The following PPARD variants were observed in gnomAD, a reference collection of about 807,000 sequenced individuals.
The protein encoded by PPARD is peroxisome proliferator-activated receptor delta.
In PPARD, 6 loss-of-function variants were observed where a neutral mutation model predicts 39.5. The observed-to-expected ratio is 0.15, with a 90% CI of 0.08 to 0.30. PPARD has a LOEUF of 0.30. PPARD is among the 10% of genes least tolerant of loss of function. The pLI is 1.00. For missense variants in PPARD, 397 were observed against 596.8 expected (o/e 0.67, Z 3.49); for synonymous variants, 210 against 231.3 (o/e 0.91, Z 0.83).
In PPARD at chr6:35,424,537, T is replaced by C. The variant is rs201897561; in HGVS notation, c.836T>C (p.Val279Ala). ...SFSSLFLNDQ[V>A]TLLKYGVHEA... ...AGCAGCCTCTTCCTCAACGACCAGG[T>C]TACCCTTCTCAAGTATGGCGTGCAC... The change falls in exon 7 of 8, where the codon GTT becomes GCT. Residue 279 changes from valine (V) to alanine (A), a missense_variant. Coordinates refer to ENST00000360694, the MANE Select transcript of PPARD (RefSeq NM_006238.5). This position sits in a 1 kb window ranked among gnomAD's most constrained non-coding sequence, Gnocchi z 7.1. 45 of 1,614,092 alleles carry C rather than the reference T, an allele frequency of 2.8e-5. No individual in the cohort carries two copies. Among genetic ancestry groups the C allele is most frequent in the Non-Finnish European group, 3.6e-5 (43 of 1,180,040 alleles).
At chr6:35,385,030 C>T (rs1239497362) in intron 2 of PPARD, among the ~76,000 whole-genome samples, 3 of 145,368 alleles carry the variant, frequency 2.1e-5, no homozygotes, top group Non-Finnish European at 4.5e-5. Context: ...CAGCCCCCCA[C>T]CCGGCCAGCC....
chr6:35,397,412 G>A (rs963903189), intron 2 of PPARD: 11 of 425,266 alleles, frequency 2.6e-5, no homozygotes, highest in South Asian at 9.9e-5. Flanking sequence ...CTAGCCAGAC[G>A]CTGCTAGGCC....
intron 1 of PPARD, among the ~76,000 whole-genome samples, chr6:35,345,814 G>T (rs1792137863): frequency 6.6e-6 from 1 of 151,716 alleles, no homozygotes; most frequent in Non-Finnish European, 1.5e-5. Flanking sequence ...GCAGATTCTG[G>T]CACATCCTGG....
intron 2 of PPARD, chr6:35,397,542 C>T (rs1020184325): frequency 1.0e-6 from 1 of 985,296 alleles, no homozygotes; most frequent in Non-Finnish European, 1.2e-6. Flanking sequence ...GGTCAGATAC[C>T]CCTGGAAAAC....
rs1044174036 is a variant in PPARD at position 35,401,489 on chromosome 6, T to A, written c.-101-9498T>A. On this transcript the variant is annotated intron_variant, in intron 2 of 7. Transcript: ENST00000360694. This position sits in a 1 kb window ranked among gnomAD's most constrained non-coding sequence, Gnocchi z 4.1. ...CCTTGGCTCTCTGCTCCTCCCAGAA[T>A]AAATACCCACATCCTCAGCTTACCC... 4.6e-5 allele frequency among the ~76,000 whole-genome samples: 7 copies of A among 152,156 alleles called. No homozygotes were observed. The highest frequency in any genetic ancestry group is 1.0e-4 in the Non-Finnish European group (7 of 68,010).
chr6:35,390,987 G>A (rs9380505), intron 2 of PPARD, among the ~76,000 whole-genome samples: 6,478 of 152,134 alleles, frequency 0.043, 353 homozygotes, highest in East Asian at 0.29. Context: ...GCACCACTCC[G>A]GGTGGTGACA....
chr6:35,358,070 A>G (rs77435062), intron 2 of PPARD, among the ~76,000 whole-genome samples: 4,307 of 152,218 alleles, frequency 0.028, 171 homozygotes, highest in African/African-American at 0.082. Flanking sequence ...GACTTTGCAC[A>G]TGTAATTAAA....
chr6:35,421,690 C>A, intron 4 of PPARD, 130 bp from the exon 5 acceptor site: 1 of 996,562 alleles, frequency 1.0e-6, no homozygotes, highest in Non-Finnish European at 1.4e-6. Context: ...TCCATCTCCC[C>A]TCCAAAAAAA....
chr6:35,423,889 G>A (rs1766384920), intron 5 of PPARD, 57 bp from the exon 6 acceptor site: 4 of 1,564,022 alleles, frequency 2.6e-6, no homozygotes, highest in Non-Finnish European at 3.5e-6. Context: ...GGATGGGGAT[G>A]TCAGAGGTGC....
intron 2 of PPARD, among the ~76,000 whole-genome samples, chr6:35,360,701 G>A (rs1761882211): frequency 6.6e-6 from 1 of 152,216 alleles, no homozygotes; most frequent in African/African-American, 2.4e-5. Context: ...CTCAACATGG[G>A]CCCTGCCTAA....
At chr6:35,420,819 CTTTTTTTTTT>C (rs35852986) in intron 4 of PPARD, among the ~76,000 whole-genome samples, 2 of 85,708 alleles carry the variant, frequency 2.3e-5, no homozygotes, top group African/African-American at 4.2e-5. Flanking sequence ...AACAAAGAAG[CTTTTTTTTTT>C]TTTTTTTTTT....
intron 2 of PPARD, among the ~76,000 whole-genome samples, chr6:35,399,262 T>C (rs1303559393): frequency 6.6e-6 from 1 of 150,886 alleles, no homozygotes; most frequent in Admixed American, 6.6e-5. Context: ...TAGCTGGGTG[T>C]GGTGGCAGGT....
chr6:35,385,645 TTAAAA>T (rs1763595380), intron 2 of PPARD, among the ~76,000 whole-genome samples: 1 of 94,542 alleles, frequency 1.1e-5, no homozygotes, highest in Non-Finnish European at 2.5e-5. Flanking sequence ...ATAAATAAAT[TTAAAA>T]AAAAAAAAAA....
intron 2 of PPARD, among the ~76,000 whole-genome samples, chr6:35,388,004 G>A (rs528226506): frequency 2.0e-5 from 3 of 148,430 alleles, no homozygotes; most frequent in East Asian, 2.0e-4. Flanking sequence ...TTACAGGTGC[G>A]AGCCACCACA....
intron 2 of PPARD, among the ~76,000 whole-genome samples, chr6:35,364,778 C>T (rs1762108030): frequency 2.0e-5 from 3 of 149,872 alleles, no homozygotes; most frequent in South Asian, 2.1e-4. Context: ...GGCGCGATTT[C>T]GCCTCACTGC....
chr6:35,365,861 C>A (rs1455816896), intron 2 of PPARD, among the ~76,000 whole-genome samples: 1 of 151,678 alleles, frequency 6.6e-6, no homozygotes, highest in Non-Finnish European at 1.5e-5. Flanking sequence ...AATGAATAAC[C>A]TTGTCATTTT....
intron 2 of PPARD, among the ~76,000 whole-genome samples, chr6:35,395,551 C>T (rs1387722980): frequency 2.0e-5 from 3 of 152,182 alleles, no homozygotes; most frequent in African/African-American, 7.2e-5. Flanking sequence ...GGTTTGGGAA[C>T]CTGTCAAATG....
rs1264270027 is a variant in PPARD at position 35,424,033 on chromosome 6, A to G, written c.512A>G (p.Gln171Arg). The change falls in exon 6 of 8, where the codon CAG becomes CGG. Residue 171 changes from glutamine to arginine, a missense_variant. Gln to Arg is a conservative substitution (Grantham distance 43). Transcript: ENST00000360694. The surrounding 1 kb of genome is among the most constrained non-coding windows in gnomAD (Gnocchi z 7.1). ...TANEGSQYNP[Q>R]VADLKAFSKH... ...AACGAGGGGAGCCAGTACAACCCAC[A>G]GGTGGCCGACCTGAAGGCCTTCTCC... 1.9e-6 allele frequency: 3 copies of G among 1,614,090 alleles called. No homozygotes were observed. Among genetic ancestry groups the G allele is most frequent in the African/African-American group, 1.3e-5 (1 of 74,948 alleles).
intron 2 of PPARD, among the ~76,000 whole-genome samples, chr6:35,355,802 A>G (rs1179754122): frequency 2.6e-5 from 4 of 151,268 alleles, no homozygotes; most frequent in African/African-American, 7.3e-5. Flanking sequence ...TGGTAGAGAC[A>G]GGGTTTCACG....
Sources: allele counts gnomAD v4.1 joint callset (sites outside exome capture counted in the v4.1 genomes callset), GRCh38; gene constraint gnomAD v4.1.1; non-coding constraint Gnocchi (gnomAD v3.1); transcripts MANE v1.5; gene names NCBI Gene and HGNC (gene_info 2026-07-23, HGNC 2026-07-21).